Variants in WDR72 observed in about 807,000 individuals in gnomAD.
WDR72 encodes WD repeat-containing protein 72.
WDR72 carries 120 observed loss-of-function variants against 124.2 expected under a neutral mutation model. That is an observed-to-expected ratio of 0.97 (90% CI 0.83 to 1.12). WDR72 has a LOEUF of 1.12. Among genes scored for constraint, WDR72 ranks in the 50% most tolerant of loss-of-function variants. The pLI, the probability that WDR72 is intolerant of heterozygous loss-of-function variation, is 0.00. For missense variants in WDR72, 1,387 were observed against 1,278.8 expected, an observed-to-expected ratio of 1.08 and a Z score of -1.29; for synonymous variants, 452 against 441.7, an observed-to-expected ratio of 1.02 and a Z score of -0.29.
chr15:53,634,507 C>CA (rs1376330184), intron 14 of WDR72, among the ~76,000 whole-genome samples: 1 of 152,056 alleles, frequency 6.6e-6, no homozygotes, highest in Non-Finnish European at 1.5e-5. Context: ...AAAAAAAATG[C>CA]AAAAAACTTA....
At chr15:53,739,359 T>A (rs1364355247) in intron 1 of WDR72, among the ~76,000 whole-genome samples, 1 of 152,192 alleles carries the variant, frequency 6.6e-6, no homozygotes, top group Non-Finnish European at 1.5e-5. Flanking sequence ...CTATCACTCC[T>A]GAGGGCTCCG....
chr15:53,650,524 C>T (rs548592207), intron 14 of WDR72, among the ~76,000 whole-genome samples: 2 of 152,294 alleles, frequency 1.3e-5, no homozygotes, highest in South Asian at 4.2e-4. Flanking sequence ...CACTGTGTCT[C>T]ACTTTATATT....
At chr15:53,557,059 A>G (rs908209644) in intron 18 of WDR72, among the ~76,000 whole-genome samples, 1 of 152,102 alleles carries the variant, frequency 6.6e-6, no homozygotes, top group Non-Finnish European at 1.5e-5. Flanking sequence ...CAATTAAACA[A>G]TAGTACTGCC....
At chr15:53,683,392 C>T (rs550841815) in intron 13 of WDR72, among the ~76,000 whole-genome samples, 1 of 152,156 alleles carries the variant, frequency 6.6e-6, no homozygotes, top group African/African-American at 2.4e-5. Context: ...ATGGAAACCC[C>T]AAATACCCTA....
chr15:53,737,094 T>C (rs781512701), intron 1 of WDR72, among the ~76,000 whole-genome samples: 2 of 151,050 alleles, frequency 1.3e-5, no homozygotes, highest in South Asian at 2.1e-4. Context: ...AACACTCCAA[T>C]AGCAATGAGC....
chr15:53,546,611 A>G (rs1262985847), intron 18 of WDR72, among the ~76,000 whole-genome samples: 1 of 152,164 alleles, frequency 6.6e-6, no homozygotes, highest in Non-Finnish European at 1.5e-5. Context: ...ACATGTATAC[A>G]TATGTAACTA....
intron 18 of WDR72, among the ~76,000 whole-genome samples, chr15:53,532,183 C>T (rs1223646742): frequency 1.3e-5 from 2 of 152,094 alleles, no homozygotes; most frequent in Non-Finnish European, 2.9e-5. Flanking sequence ...AACCCTCATA[C>T]ACCGCTGGTG....
intron 13 of WDR72, among the ~76,000 whole-genome samples, chr15:53,695,494 A>G (rs2016975092): frequency 1.3e-5 from 2 of 152,320 alleles, no homozygotes; most frequent in South Asian, 4.1e-4. Context: ...GAGCTCAAAT[A>G]TTAATCAAAT....
chr15:53,721,925 G>A (rs1187273164), intron 3 of WDR72, among the ~76,000 whole-genome samples: 7 of 152,132 alleles, frequency 4.6e-5, no homozygotes, highest in East Asian at 1.9e-4. Context: ...CTTTGCTCCC[G>A]TGACACTGCA....
intron 18 of WDR72, among the ~76,000 whole-genome samples, chr15:53,575,056 A>G (rs1232951598): frequency 6.6e-6 from 1 of 151,924 alleles, no homozygotes; most frequent in Non-Finnish European, 1.5e-5. Context: ...AAATGTATGT[A>G]TACACATACA....
intron 18 of WDR72, among the ~76,000 whole-genome samples, chr15:53,594,208 C>T (rs1380233573): frequency 6.6e-6 from 1 of 151,580 alleles, no homozygotes; most frequent in Non-Finnish European, 1.5e-5. Context: ...CTCCATTTAG[C>T]ATAAAAGAAG....
rs370809804 is a variant in WDR72 at position 53,642,288 on chromosome 15, T to C, written c.1962+23284A>G. Among the ~76,000 whole-genome samples the C allele has an allele frequency of 1.4e-4, 21 of 152,160 alleles. No individual in the cohort carries two copies. The East Asian group carries it at 3.1e-3, about 22-fold the overall frequency. ...TCAAAGATAAAACTAAAATAGTATG[T>C]ATCAGAAGCTTAGTTAAAAATCTAA... On this transcript the variant is annotated intron_variant, in intron 14 of 19. Coordinates refer to ENST00000360509, the MANE Select transcript of WDR72 (RefSeq NM_182758.4).
intron 18 of WDR72, among the ~76,000 whole-genome samples, chr15:53,544,901 TCC>T (rs1303071377): frequency 6.6e-5 from 10 of 150,736 alleles, no homozygotes; most frequent in Admixed American, 6.0e-4. Flanking sequence ...ATGAGTGAAC[TCC>T]CATTCACAAT....
chr15:53,571,952 A>T (rs1204031929), intron 18 of WDR72, among the ~76,000 whole-genome samples: 1 of 152,024 alleles, frequency 6.6e-6, no homozygotes, highest in African/African-American at 2.4e-5. Context: ...TTTGACTTGC[A>T]ATTCCCTGAT....
chr15:53,695,160 A>C (rs2016964884), intron 13 of WDR72, among the ~76,000 whole-genome samples: 1 of 152,228 alleles, frequency 6.6e-6, no homozygotes, highest in Non-Finnish European at 1.5e-5. Context: ...CCCACACAAA[A>C]AAGTGCAATT....
intron 14 of WDR72, among the ~76,000 whole-genome samples, chr15:53,635,432 T>C (rs2014587401): frequency 6.6e-6 from 1 of 152,224 alleles, no homozygotes; most frequent in Non-Finnish European, 1.5e-5. Context: ...TCTATAGCCC[T>C]ACACACATGT....
chr15:53,757,999 CTCTCTCTCTTTT>C (rs1342604201), intron 1 of WDR72, among the ~76,000 whole-genome samples: 1 of 151,608 alleles, frequency 6.6e-6, no homozygotes. Flanking sequence ...CTCTCTCTCT[CTCTCTCTCTTTT>C]TCTCTTTTGA....
chr15:53,654,264 A>G (rs1396739081), intron 14 of WDR72, among the ~76,000 whole-genome samples: 1 of 152,230 alleles, frequency 6.6e-6, no homozygotes, highest in Non-Finnish European at 1.5e-5. Context: ...TATCATTCAT[A>G]CATAACGAGA....
chr15:53,522,092 T>C (rs188486657), intron 19 of WDR72, among the ~76,000 whole-genome samples: 3 of 152,002 alleles, frequency 2.0e-5, no homozygotes, highest in South Asian at 2.1e-4. Flanking sequence ...GGAATCTTGG[T>C]GGAGTGAAGA....
Sources: allele counts gnomAD v4.1 joint callset (sites outside exome capture counted in the v4.1 genomes callset), GRCh38; gene constraint gnomAD v4.1.1; transcripts MANE v1.5; gene names NCBI Gene and HGNC (gene_info 2026-07-23, HGNC 2026-07-21).